Variants in CTNNA2 observed in about 807,000 individuals in gnomAD.
CTNNA2 encodes the protein catenin alpha 2, also known as catenin alpha-2.
A neutral mutation model predicts 101.0 loss-of-function variants in CTNNA2; 42 were observed. That is an observed-to-expected ratio of 0.42 (90% confidence interval 0.32 to 0.54). The LOEUF is 0.54. Ranked by LOEUF, CTNNA2 falls within the 20% of genes least tolerant of loss-of-function variation. The pLI is 0.14. For missense variants in CTNNA2, 871 were observed against 1,223.1 expected (o/e 0.71, Z 4.29); for synonymous variants, 450 against 456.4 (o/e 0.99, Z 0.18).
chr2:79,799,297 CT>C (rs202160862), intron 3 of CTNNA2, among the ~76,000 whole-genome samples: 2 of 150,738 alleles, frequency 1.3e-5, no homozygotes, highest in African/African-American at 2.4e-5. Flanking sequence ...ATGCCTTATT[CT>C]TTTTTTTTAA....
At chr2:79,530,671 C>G (rs1219261495) in intron 1 of CTNNA2, among the ~76,000 whole-genome samples, 4 of 152,144 alleles carry the variant, frequency 2.6e-5, no homozygotes, top group Non-Finnish European at 5.9e-5. Flanking sequence ...CTCACTTGAT[C>G]TTTGCCAGAG....
intron 7 of CTNNA2, among the ~76,000 whole-genome samples, chr2:80,091,749 C>T (rs535508074): frequency 1.6e-4 from 24 of 152,006 alleles, no homozygotes; most frequent in African/African-American, 3.9e-4. Context: ...AAATGGAGCA[C>T]GAAATAGTTT....
intron 6 of CTNNA2, among the ~76,000 whole-genome samples, chr2:79,885,484 TA>T (rs1683789551): frequency 1.3e-5 from 2 of 152,222 alleles, no homozygotes; most frequent in African/African-American, 4.8e-5. Flanking sequence ...CAGGGAAGGA[TA>T]AGTGTCTCCT....
chr2:80,087,485 G>A (rs1259505695), intron 7 of CTNNA2, among the ~76,000 whole-genome samples: 1 of 151,986 alleles, frequency 6.6e-6, no homozygotes, highest in African/African-American at 2.4e-5. Context: ...TGTAAATACG[G>A]GATGGATTTT....
At chr2:79,938,157 A>C (rs1458163566) in intron 7 of CTNNA2, among the ~76,000 whole-genome samples, 1 of 152,224 alleles carries the variant, frequency 6.6e-6, no homozygotes, top group Non-Finnish European at 1.5e-5. Context: ...GGAGGAGCTG[A>C]GAAGTAAGGG....
rs78163156 is a variant in CTNNA2 at position 79,896,453 on chromosome 2, G to A, written c.853-13141G>A. On this transcript the variant is annotated intron_variant, in intron 6 of 18. Transcript: ENST00000402739. Reference sequence around the variant, plus strand: ...ACATATATTCATCTGCAAATATTAGGTTCACTGTAGTGACCTATTTTGCTC... The same window carrying A: ...ACATATATTCATCTGCAAATATTAGATTCACTGTAGTGACCTATTTTGCTC... 2.8e-3 allele frequency among the ~76,000 whole-genome samples: 420 copies of A among 152,248 alleles called. 2 individuals carry two copies. Among genetic ancestry groups the A allele is most frequent in the African/African-American group, 9.8e-3 (407 of 41,538 alleles).
At chr2:79,968,981 A>T (rs981162760) in intron 7 of CTNNA2, among the ~76,000 whole-genome samples, 1 of 152,142 alleles carries the variant, frequency 6.6e-6, no homozygotes, top group African/African-American at 2.4e-5. Context: ...GCCCTATGAG[A>T]CAGATACTAT....
intron 12 of CTNNA2, among the ~76,000 whole-genome samples, chr2:80,569,918 A>C (rs1222899938): frequency 6.6e-6 from 1 of 152,082 alleles, no homozygotes; most frequent in Non-Finnish European, 1.5e-5. Context: ...CTGGGATTAC[A>C]GGCATGAGCC....
chr2:80,603,875 C>A, intron 15 of CTNNA2, 199 bp from the exon 16 acceptor site: 1 of 539,284 alleles, frequency 1.9e-6, no homozygotes, highest in Non-Finnish European at 3.3e-6. Flanking sequence ...TGAACATGCA[C>A]ATAAAAATAT....
chr2:80,399,146 A>T (rs1056245940), intron 8 of CTNNA2, among the ~76,000 whole-genome samples: 4 of 150,898 alleles, frequency 2.7e-5, no homozygotes, highest in Non-Finnish European at 5.9e-5. Flanking sequence ...TCCTGACCTC[A>T]ATACCGTGAA....
chr2:79,619,071 T>C (rs1678828105), intron 1 of CTNNA2, among the ~76,000 whole-genome samples: 1 of 152,268 alleles, frequency 6.6e-6, no homozygotes, highest in South Asian at 2.1e-4. Flanking sequence ...CTGGGCGTGG[T>C]GGCGGGCGCC....
intron 9 of CTNNA2, among the ~76,000 whole-genome samples, chr2:80,451,977 C>A (rs149112275): frequency 2.6e-5 from 4 of 151,952 alleles, no homozygotes; most frequent in African/African-American, 9.7e-5. Context: ...GAAAAAAATC[C>A]CTAAATCCAG....
At chr2:79,670,252 C>T (rs1180876090) in intron 2 of CTNNA2, among the ~76,000 whole-genome samples, 1 of 152,186 alleles carries the variant, frequency 6.6e-6, no homozygotes, top group Non-Finnish European at 1.5e-5. Context: ...TGTCCAGCAG[C>T]TGCGGCTGCA....
intron 7 of CTNNA2, among the ~76,000 whole-genome samples, chr2:80,014,579 G>A (rs1694006130): frequency 6.6e-6 from 1 of 152,076 alleles, no homozygotes; most frequent in Non-Finnish European, 1.5e-5. Flanking sequence ...AAGACTCCAT[G>A]CCAACAACCA....
chr2:79,504,487 A>G (rs1250203019), intron 4 of CTNNA2, among the ~76,000 whole-genome samples: 2 of 152,008 alleles, frequency 1.3e-5, no homozygotes, highest in Non-Finnish European at 2.9e-5. Flanking sequence ...ACGGGCTTTC[A>G]CCATATTGAC....
At chr2:80,041,515 A>C (rs1490934720) in intron 7 of CTNNA2, among the ~76,000 whole-genome samples, 1 of 152,170 alleles carries the variant, frequency 6.6e-6, no homozygotes, top group South Asian at 2.1e-4. Context: ...CTGCTTGTAT[A>C]TAAAGACACT....
intron 4 of CTNNA2, among the ~76,000 whole-genome samples, chr2:79,429,725 G>A (rs1462237366): frequency 1.3e-5 from 2 of 152,106 alleles, no homozygotes; most frequent in Non-Finnish European, 2.9e-5. Context: ...GTTTTCAAAT[G>A]AAACTCCAAG....
At chr2:80,525,815 G>A (rs1440706182) in intron 9 of CTNNA2, among the ~76,000 whole-genome samples, 2 of 152,084 alleles carry the variant, frequency 1.3e-5, no homozygotes, top group Non-Finnish European at 2.9e-5. Context: ...TACCTTACGC[G>A]CTGGCAGGAT....
chr2:79,636,483 A>C (rs1053980136), intron 1 of CTNNA2, among the ~76,000 whole-genome samples: 4 of 151,908 alleles, frequency 2.6e-5, no homozygotes, highest in African/African-American at 9.7e-5. Flanking sequence ...TAAGATGTTG[A>C]GAGGGTACAA....
Sources: gnomAD v4.1 joint callset for allele counts (sites outside exome capture counted in the v4.1 genomes callset) on GRCh38, gnomAD v4.1.1 for gene constraint, MANE v1.5 for transcripts, NCBI Gene and HGNC (gene_info 2026-07-23, HGNC 2026-07-21) for gene names.